Variants in CDH12 observed in about 807,000 individuals in gnomAD.
CDH12 encodes the protein cadherin 12.
In CDH12, 41 loss-of-function variants were observed where a neutral mutation model predicts 74.1. That is an observed-to-expected ratio of 0.55 (90% confidence interval 0.43 to 0.72). The LOEUF is 0.72. CDH12 is among the 30% of genes least tolerant of loss of function. The pLI, the probability that CDH12 is intolerant of heterozygous loss-of-function variation, is 0.00. For missense variants in CDH12, 945 were observed against 977.2 expected (o/e 0.97, Z 0.44); for synonymous variants, 399 against 355.0 (o/e 1.12, Z -1.39).
chr5:22,251,727 C>A (rs2150387828), intron 3 of CDH12, among the ~76,000 whole-genome samples: 1 of 152,130 alleles, frequency 6.6e-6, no homozygotes, highest in Admixed American at 6.6e-5. Flanking sequence ...GCTCTGAACA[C>A]AGAAAAAGAA....
chr5:21,923,185 T>C (rs1327516441), intron 6 of CDH12, among the ~76,000 whole-genome samples: 1 of 152,130 alleles, frequency 6.6e-6, no homozygotes, highest in Non-Finnish European at 1.5e-5. Flanking sequence ...AGTTACGTTA[T>C]GTGAATTAAG....
At chr5:22,763,658 G>A (rs1316001567) in intron 1 of CDH12, among the ~76,000 whole-genome samples, 2 of 151,866 alleles carry the variant, frequency 1.3e-5, no homozygotes, top group Non-Finnish European at 2.9e-5. Flanking sequence ...AGTAAGAGTA[G>A]AAAACCTTAA....
intron 2 of CDH12, among the ~76,000 whole-genome samples, chr5:22,410,711 T>C (rs938031523): frequency 6.6e-6 from 1 of 152,108 alleles, no homozygotes; most frequent in Non-Finnish European, 1.5e-5. Flanking sequence ...CAATTCCTCT[T>C]GGCCCCTTCA....
rs142760492 is a variant in CDH12 at position 21,790,709 on chromosome 5, G to C, written c.1257-7215C>G. On this transcript the variant is annotated intron_variant, in intron 10 of 14. Transcript: ENST00000382254. ...TAGGGATAGAGTCATGTGTATCAGC[G>C]TGTGAGTGTATGTGTATGTCCTTTT... Among the ~76,000 whole-genome samples, 374 of 152,066 alleles carry C rather than the reference G, an allele frequency of 2.5e-3. 3 individuals carry two copies. The highest frequency in any genetic ancestry group is 8.7e-3 in the African/African-American group (361 of 41,506).
intron 1 of CDH12, among the ~76,000 whole-genome samples, chr5:22,508,519 A>G (rs1736485928): frequency 6.6e-6 from 1 of 152,162 alleles, no homozygotes; most frequent in African/African-American, 2.4e-5. Flanking sequence ...GGCCTTCCCA[A>G]TCCTAAAGAG....
chr5:21,979,308 A>G (rs563693037), intron 5 of CDH12, among the ~76,000 whole-genome samples: 1 of 152,192 alleles, frequency 6.6e-6, no homozygotes, highest in Non-Finnish European at 1.5e-5. Flanking sequence ...CCAGAAAAAG[A>G]GTTCTATAAA....
chr5:22,719,912 A>G (rs1456801407), intron 1 of CDH12, among the ~76,000 whole-genome samples: 3 of 152,146 alleles, frequency 2.0e-5, no homozygotes, highest in Non-Finnish European at 4.4e-5. Flanking sequence ...CCCTGGGGAA[A>G]GAAGTCTTCA....
intron 1 of CDH12, among the ~76,000 whole-genome samples, chr5:22,804,677 A>C (rs1748696626): frequency 6.6e-6 from 1 of 152,196 alleles, no homozygotes; most frequent in Non-Finnish European, 1.5e-5. Context: ...TCTTTACTTA[A>C]AGTCAACTGA....
chr5:22,643,790 C>T lies in CDH12; in HGVS notation c.-522-138426G>A, dbSNP rs1739289351. On this transcript the variant is annotated intron_variant, in intron 1 of 14. Transcript: ENST00000382254. ...AAATTGATGGTTTGTGGCAGCCCTG[C>T]ATTGAGCAAGTCTATCAGTACCATT... Among the ~76,000 whole-genome samples, 5 of 121,972 alleles carry T rather than the reference C, an allele frequency of 4.1e-5. No homozygotes were observed. In the South Asian group the frequency reaches 1.4e-3, roughly 33 times the overall value. 80.0% of individuals were successfully genotyped at this position (121,972 alleles called of 152,430 possible). A position where few individuals can be genotyped will look rare whatever the true frequency, so the allele number is the denominator to read the frequency against.
chr5:22,182,331 A>G (rs1368385173), intron 4 of CDH12, among the ~76,000 whole-genome samples: 2 of 152,142 alleles, frequency 1.3e-5, no homozygotes, highest in East Asian at 1.9e-4. Context: ...ATTCACCTCA[A>G]TATATGCATT....
At chr5:22,180,482 T>A (rs71609278) in intron 4 of CDH12, among the ~76,000 whole-genome samples, 23 of 114,778 alleles carry the variant, frequency 2.0e-4, no homozygotes, top group African/African-American at 5.9e-4. Flanking sequence ...AAAATCACAG[T>A]TTTTGATTTT....
intron 5 of CDH12, among the ~76,000 whole-genome samples, chr5:22,078,136 G>A (rs1215810349): frequency 6.6e-6 from 1 of 151,856 alleles, no homozygotes; most frequent in Non-Finnish European, 1.5e-5. Context: ...TTCTAACTAT[G>A]GTTATAATTA....
intron 3 of CDH12, among the ~76,000 whole-genome samples, chr5:22,263,497 G>A (rs1289778698): frequency 6.6e-6 from 1 of 151,994 alleles, no homozygotes; most frequent in Non-Finnish European, 1.5e-5. Context: ...GTAAAAGTCA[G>A]GCACCATAAT....
At chr5:22,763,059 C>A (rs1269409073) in intron 1 of CDH12, among the ~76,000 whole-genome samples, 1 of 151,852 alleles carries the variant, frequency 6.6e-6, no homozygotes, top group African/African-American at 2.4e-5. Context: ...TGCCTTGATG[C>A]CATATGCCTA....
chr5:22,392,827 G>A (rs1219276260), intron 3 of CDH12, among the ~76,000 whole-genome samples: 1 of 152,170 alleles, frequency 6.6e-6, no homozygotes, highest in Admixed American at 6.5e-5. Flanking sequence ...ATAGAGTATA[G>A]TGGAGAGATT....
chr5:22,396,360 C>T (rs190376509), intron 3 of CDH12, among the ~76,000 whole-genome samples: 46 of 152,156 alleles, frequency 3.0e-4, no homozygotes, highest in African/African-American at 1.1e-3. Context: ...AGACTTTCTG[C>T]CTGATGCACT....
At chr5:22,146,002 G>T (rs1280694332) in intron 4 of CDH12, among the ~76,000 whole-genome samples, 1 of 151,008 alleles carries the variant, frequency 6.6e-6, no homozygotes, top group Non-Finnish European at 1.5e-5. Flanking sequence ...CATTTTTCTA[G>T]CATGAAAATG....
chr5:22,035,142 T>C (rs2150177317), intron 5 of CDH12, among the ~76,000 whole-genome samples: 1 of 152,198 alleles, frequency 6.6e-6, no homozygotes, highest in East Asian at 1.9e-4. Flanking sequence ...TATTTAGTCA[T>C]GTACAGTAAT....
intron 3 of CDH12, among the ~76,000 whole-genome samples, chr5:22,318,381 A>G (rs1738719564): frequency 6.6e-6 from 1 of 152,204 alleles, no homozygotes; most frequent in Admixed American, 6.5e-5. Context: ...TTGATGATAT[A>G]CTATTCAGGA....
Sources: allele counts gnomAD v4.1 joint callset (sites outside exome capture counted in the v4.1 genomes callset), GRCh38; gene constraint gnomAD v4.1.1; transcripts MANE v1.5; gene names NCBI Gene and HGNC (gene_info 2026-07-23, HGNC 2026-07-21).